Variants in FZR1 observed in about 807,000 individuals in gnomAD.
The protein encoded by FZR1 is fizzy and cell division cycle 20 related 1, also known as fizzy-related protein homolog.
FZR1 carries 11 observed loss-of-function variants against 63.6 expected under a neutral mutation model. That is an observed-to-expected ratio of 0.17 (90% CI 0.11 to 0.29). The LOEUF (loss-of-function observed/expected upper bound fraction) is 0.29. Ranked by LOEUF, FZR1 falls within the 10% of genes least tolerant of loss-of-function variation. The pLI, the probability that FZR1 is intolerant of heterozygous loss-of-function variation, is 1.00. For synonymous variants in FZR1, 328 were observed against 297.9 expected (o/e 1.10, Z -1.04); for missense variants, 440 against 687.5 (o/e 0.64, Z 4.03).
chr19:3,530,941 T>TTCA, intron 8 of FZR1, 84 bp downstream of exon 8: 12 of 1,071,928 alleles, frequency 1.1e-5, no homozygotes, highest in Non-Finnish European at 1.7e-5. Flanking sequence ...CCAGAGGGTC[T>TTCA]AGTGCGTGGC....
chr19:3,529,130 A>T lies in FZR1; in HGVS notation c.654+1316A>T, dbSNP rs374283938. ...GATGGGAGAGCGGATGGGAGAGCGG[A>T]TGGGAGAGCGGATGGGAGAGCGGAT... On this transcript the variant is annotated intron_variant, in intron 7 of 13. Transcript: ENST00000441788. Among the ~76,000 whole-genome samples the T allele has an allele frequency of 7.4e-4, 96 of 129,106 alleles. 1 individual carries two copies. Among genetic ancestry groups the T allele is most frequent in the African/African-American group, 2.8e-3 (87 of 31,090 alleles). The allele number at this position is 129,106 out of a possible 152,430, so 84.7% of individuals were successfully genotyped here.
rs904556482 is a variant in FZR1 at position 3,515,906 on chromosome 19, C to CA, written c.-34-7049dup. 6.6e-6 allele frequency among the ~76,000 whole-genome samples: 1 copy of CA among 152,214 alleles called. No homozygotes were observed. Among genetic ancestry groups the CA allele is most frequent in the African/African-American group, 2.4e-5 (1 of 41,528 alleles). On this transcript the variant is annotated intron_variant, in intron 1 of 13. Coordinates refer to ENST00000441788, the MANE Select transcript of FZR1 (RefSeq NM_016263.4). This position sits in a 1 kb window ranked among gnomAD's most constrained non-coding sequence, Gnocchi z 4.6. ...AGCCGCTTTTCGAACCTTCTGGGAG[C>CA]AGTGTGCTCTGCATGGCCATTTTTC...
intron 1 of FZR1, among the ~76,000 whole-genome samples, chr19:3,509,820 T>G (rs752985518): frequency 2.0e-5 from 3 of 152,226 alleles, no homozygotes; most frequent in African/African-American, 7.2e-5. Flanking sequence ...TTCCGTGATG[T>G]GGAGGCACCG....
rs1599794865 is a variant in FZR1 at position 3,533,453 on chromosome 19, G to A, written c.1347+55G>A. Reference sequence around the variant, plus strand: ...CCCGGGATTCTGGACAAACTGCCATGGCCACCCCAGAGCACCCTGTCCTGT... The same window carrying A: ...CCCGGGATTCTGGACAAACTGCCATAGCCACCCCAGAGCACCCTGTCCTGT... On this transcript the variant is annotated intron_variant, in intron 12 of 13. Coordinates refer to ENST00000441788, the MANE Select transcript of FZR1 (RefSeq NM_016263.4). This position sits in a 1 kb window ranked among gnomAD's most constrained non-coding sequence, Gnocchi z 4.9. The A allele has an allele frequency of 9.4e-7, 1 of 1,059,170 alleles. No homozygotes were observed. Among genetic ancestry groups the A allele is most frequent in the South Asian group, 1.3e-5 (1 of 79,218 alleles). The allele number at this position is 1,059,170 out of a possible 1,614,324, so 65.6% of individuals were successfully genotyped here.
At chr19:3,528,758 T>C (rs115485826) in intron 7 of FZR1, among the ~76,000 whole-genome samples, 57 of 87,214 alleles carry the variant, frequency 6.5e-4, no homozygotes, top group African/African-American at 2.7e-3. Context: ...TGGGTGGGTG[T>C]GTGGATGGGT....
At position 3,535,533 on chromosome 19, in the gene FZR1, A is replaced by G. The variant is rs1485532810; in HGVS notation, c.*697A>G. On this transcript the variant is annotated 3_prime_UTR_variant, in exon 14 of 14. Transcript: ENST00000441788. ...CAGTGGGCTTCAGATGGGCCTGTGC[A>G]TCCTGGCCAAGCGTCACCCTCACAC... The G allele has an allele frequency of 6.5e-6, 1 of 152,748 alleles. No individual in the cohort carries two copies. Among genetic ancestry groups the G allele is most frequent in the Non-Finnish European group, 1.5e-5 (1 of 68,424 alleles). 9.5% of individuals were successfully genotyped at this position (152,748 alleles called of 1,614,324 possible).
At chr19:3,532,288 A>G (rs1346383111) in intron 10 of FZR1, 129 bp from the exon 11 acceptor site, 4 of 857,480 alleles carry the variant, frequency 4.7e-6, no homozygotes, top group Non-Finnish European at 7.0e-6. Flanking sequence ...GTGTGCCCCC[A>G]GGGGTCCTTG....
chr19:3,519,082 G>A (rs2083079801), intron 1 of FZR1, among the ~76,000 whole-genome samples: 1 of 152,246 alleles, frequency 6.6e-6, no homozygotes, highest in South Asian at 2.1e-4. Context: ...GAAGTCAGGG[G>A]CCGTGGGGGC....
intron 7 of FZR1, among the ~76,000 whole-genome samples, chr19:3,529,475 AGAGCAGATGGGAGAGCAGATGGGT>A (rs2083207849): frequency 7.5e-6 from 1 of 134,102 alleles, no homozygotes; most frequent in African/African-American, 3.0e-5. Context: ...AGCAGATGGG[AGAGCAGATGGGAGAGCAGATGGGT>A]GAGCGGATGG....
intron 1 of FZR1, among the ~76,000 whole-genome samples, chr19:3,517,653 A>C (rs1034386427): frequency 5.9e-5 from 9 of 152,022 alleles, no homozygotes; most frequent in Non-Finnish European, 1.0e-4. Context: ...GCACCACTGC[A>C]CTCCAGCCTG....
In FZR1 at chr19:3,527,646, G is replaced by A. The variant is rs773971742; in HGVS notation, c.486G>A (p.Arg162=). 2 of 1,608,796 alleles carry A rather than the reference G, an allele frequency of 1.2e-6. No individual in the cohort carries two copies. The highest frequency in any genetic ancestry group is 1.3e-5 in the African/African-American group (1 of 74,882). ...PVSNKSQKLL[R]SPRKPTRKIS... ...GCCTCTGCAGCCAGAAGCTGCTCCG[G>A]TCCCCCCGGAAACCCACCCGCAAGA... Residue 162 remains arginine (R), a synonymous_variant, in exon 7 of 14, where the codon CGG becomes CGA. Transcript: ENST00000441788.
chr19:3,517,423 A>G (rs992988633), intron 1 of FZR1, among the ~76,000 whole-genome samples: 2 of 152,132 alleles, frequency 1.3e-5, no homozygotes, highest in African/African-American at 4.8e-5. Context: ...GCTGTGGCTC[A>G]CACCTGTAAT....
chr19:3,507,998 T>C (rs1360133610), intron 1 of FZR1, among the ~76,000 whole-genome samples: 1 of 152,084 alleles, frequency 6.6e-6, no homozygotes, highest in African/African-American at 2.4e-5. Context: ...GCCCGGTGCT[T>C]TACTGGGGAG....
Position 3,526,531 on chromosome 19 carries a change from T to C in FZR1, c.387+145T>C. 1 of 641,354 alleles carries C rather than the reference T, an allele frequency of 1.6e-6. No homozygotes were observed. Among genetic ancestry groups the C allele is most frequent in the Non-Finnish European group, 2.7e-6 (1 of 371,320 alleles). 39.7% of individuals were successfully genotyped at this position (641,354 alleles called of 1,614,324 possible). On this transcript the variant is annotated intron_variant, in intron 5 of 13. Transcript: ENST00000441788. This position sits in a 1 kb window ranked among gnomAD's most constrained non-coding sequence, Gnocchi z 5.4. ...GCACCCCCGCCCTGACCCTGTTCCTTAGCCAGGTCAGGGGCCCTGGGATCT... is the reference window on the plus strand; with the variant it reads ...GCACCCCCGCCCTGACCCTGTTCCTCAGCCAGGTCAGGGGCCCTGGGATCT...
At chr19:3,517,048 CG>C (rs2121917487) in intron 1 of FZR1, among the ~76,000 whole-genome samples, 2 of 152,372 alleles carry the variant, frequency 1.3e-5, no homozygotes, top group South Asian at 4.1e-4. Flanking sequence ...TCAGTGCACG[CG>C]GTTACCACCG....
intron 1 of FZR1, among the ~76,000 whole-genome samples, chr19:3,507,257 C>T (rs1189575230): frequency 1.3e-5 from 2 of 151,454 alleles, no homozygotes; most frequent in Non-Finnish European, 2.9e-5. Context: ...CGAACTGAAC[C>T]TCCGTCCTGC....
chr19:3,530,035 T>G (rs1238092773), intron 7 of FZR1, among the ~76,000 whole-genome samples: 1 of 122,400 alleles, frequency 8.2e-6, no homozygotes, highest in African/African-American at 3.3e-5. Context: ...GGAGAGTGGA[T>G]GGGTGAGCGG....
At position 3,527,824 on chromosome 19, in the gene FZR1, G is replaced by A. The variant is rs1186625335; in HGVS notation, c.654+10G>A. ...TGCCTGTACCAGCCAGGTGGGTGCT[G>A]CGTGGGGTGTGCATGTGCATGGGGG... On this transcript the variant is annotated intron_variant, in intron 7 of 13. Transcript: ENST00000441788. 1.9e-6 allele frequency: 3 copies of A among 1,602,666 alleles called. No homozygotes were observed. Among genetic ancestry groups the A allele is most frequent in the Non-Finnish European group, 2.6e-6 (3 of 1,172,138 alleles).
intron 6 of FZR1, 94 bp downstream of exon 6, chr19:3,527,156 C>CG (rs780199395): frequency 1.9e-4 from 195 of 1,027,012 alleles, no homozygotes; most frequent in Non-Finnish European, 2.2e-4. Context: ...CCTGTCCCTG[C>CG]GGGTCCTGGT....
Sources: gnomAD v4.1 joint callset for allele counts (sites outside exome capture counted in the v4.1 genomes callset) on GRCh38, gnomAD v4.1.1 for gene constraint, Gnocchi (gnomAD v3.1) non-coding constraint, MANE v1.5 for transcripts, NCBI Gene and HGNC (gene_info 2026-07-23, HGNC 2026-07-21) for gene names.